PARP9: variants seen among roughly 807,000 people sequenced by gnomAD.
PARP9 encodes the protein protein mono-ADP-ribosyltransferase PARP9.
PARP9 carries 48 observed loss-of-function variants against 68.8 expected under a neutral mutation model. The ratio of observed to expected loss-of-function variants is 0.70; its 90% CI spans 0.55 to 0.89. The LOEUF (loss-of-function observed/expected upper bound fraction) is 0.89. Among genes scored for constraint, PARP9 ranks in the 40% least tolerant of loss-of-function variants. The pLI is 0.00. For synonymous variants in PARP9, 309 were observed against 333.8 expected (o/e 0.93, Z 0.81); for missense variants, 806 against 969.3 (o/e 0.83, Z 2.24).
chr3:122,546,396 G>A (rs187166735), intron 6 of PARP9, among the ~76,000 whole-genome samples: 5 of 151,886 alleles, frequency 3.3e-5, no homozygotes, highest in Non-Finnish European at 5.9e-5. Flanking sequence ...CATGAGATAC[G>A]CAACACTTTA....
chr3:122,551,187 A>C (rs903564312), intron 5 of PARP9, among the ~76,000 whole-genome samples: 11 of 152,254 alleles, frequency 7.2e-5, no homozygotes, highest in African/African-American at 2.4e-4. Context: ...AAAATAAGAA[A>C]GCAGCACTTA....
In PARP9 at chr3:122,549,780, G is replaced by GC. The variant is rs780774026; in HGVS notation, c.1326+803_1326+804insG. Among the ~76,000 whole-genome samples, 119 of 150,404 alleles carry GC rather than the reference G, an allele frequency of 7.9e-4. 1 individual carries two copies. The highest frequency in any genetic ancestry group is 8.1e-4 in the Non-Finnish European group (55 of 67,584). ...TGAGCAACAGAGCAAGATCACATCT[G>GC]TTTAAAAAAAAAAAGAGAGAGAGAG... On this transcript the variant is annotated intron_variant, in intron 6 of 10. Transcript: ENST00000682323.
chr3:122,543,785 T>C (rs887002862), intron 7 of PARP9, among the ~76,000 whole-genome samples: 1 of 151,566 alleles, frequency 6.6e-6, no homozygotes, highest in African/African-American at 2.4e-5. Context: ...CTAATTTTTG[T>C]ATTTTTTGTA....
intron 10 of PARP9, 106 bp from the exon 11 acceptor site, chr3:122,528,849 T>C: frequency 4.5e-6 from 5 of 1,116,148 alleles, no homozygotes; most frequent in Non-Finnish European, 6.2e-6. Context: ...AAATAATCAC[T>C]TCCTCCTGAT....
chr3:122,550,905 C>T, intron 5 of PARP9, 103 bp from the exon 6 acceptor site: 2 of 1,066,178 alleles, frequency 1.9e-6, no homozygotes, highest in East Asian at 2.6e-5. Context: ...TTCACCCTCC[C>T]TCAGGGTTCG....
intron 10 of PARP9, chr3:122,533,801 A>T: frequency 1.0e-6 from 1 of 985,478 alleles, no homozygotes; most frequent in Non-Finnish European, 1.2e-6. Flanking sequence ...AAATAGAAAA[A>T]AGAAAATAAA....
chr3:122,564,224 A>G (rs2080491531), intron 1 of PARP9, 21 bp downstream of exon 1: 4 of 579,256 alleles, frequency 6.9e-6, no homozygotes, highest in Non-Finnish European at 2.9e-6. Flanking sequence ...CCGAGGGCCC[A>G]GAGGCACCGG....
intron 1 of PARP9, among the ~76,000 whole-genome samples, chr3:122,560,085 G>C (rs556374592): frequency 1.3e-5 from 2 of 152,178 alleles, no homozygotes; most frequent in Non-Finnish European, 2.9e-5. Flanking sequence ...CAGTAAAGAA[G>C]ACCGAGCTTA....
rs774634307 is a variant in PARP9 at position 122,528,655 on chromosome 3, C to T, written c.2169G>A (p.Leu723=). The change falls in exon 11 of 11, where the codon CTG becomes CTA. Residue 723 remains leucine (L), a synonymous_variant. Transcript: ENST00000682323. ...KAKKISAADK[L]IYVFEAEVLT... ...GTACTTCAGCCTCAAACACATAGATCAGCTTATCTGCAGCAGAGATTTTCT... is the reference window on the plus strand; with the variant it reads ...GTACTTCAGCCTCAAACACATAGATTAGCTTATCTGCAGCAGAGATTTTCT... The T allele has an allele frequency of 6.2e-7, 1 of 1,614,172 alleles. No homozygotes were observed. The highest frequency in any genetic ancestry group is 8.5e-7 in the Non-Finnish European group (1 of 1,180,042).
chr3:122,547,071 T>C (rs557974653), intron 6 of PARP9, among the ~76,000 whole-genome samples: 220 of 125,726 alleles, frequency 1.7e-3, no homozygotes, highest in Middle Eastern at 4.5e-3. Flanking sequence ...CATACATATA[T>C]ACACACACAC....
At chr3:122,558,670 A>T (rs1336874044) in intron 2 of PARP9, among the ~76,000 whole-genome samples, 1 of 152,144 alleles carries the variant, frequency 6.6e-6, no homozygotes, top group Non-Finnish European at 1.5e-5. Context: ...CATTGGCCCT[A>T]TGTCATTTCC....
chr3:122,552,596 A>C lies in PARP9; in HGVS notation c.929T>G (p.Val310Gly). The C allele has an allele frequency of 6.2e-7, 1 of 1,614,008 alleles. No individual in the cohort carries two copies. The highest frequency in any genetic ancestry group is 8.5e-7 in the Non-Finnish European group (1 of 1,179,884). Residue 310 changes from valine (V) to glycine (G), a missense_variant, in exon 5 of 11, where the codon GTT (valine) becomes GGT (glycine). Physicochemically the swap from Val to Gly is moderately radical, Grantham distance 109. Coordinates refer to ENST00000682323, the MANE Select transcript of PARP9 (RefSeq NM_001146105.2). ...TAGAATTGACTTTGCCACAGGTCCA[A>C]CTGTAATATCATGTGGGTTTACAGA... ...VNSVNPHDIT[V>G]GPVAKSILQQ...
intron 10 of PARP9, chr3:122,535,484 G>A: frequency 2.0e-6 from 2 of 985,406 alleles, no homozygotes; most frequent in Non-Finnish European, 2.4e-6. Context: ...ACCCCGCTAA[G>A]TATCTCTCCA....
intron 7 of PARP9, among the ~76,000 whole-genome samples, chr3:122,543,122 A>T (rs2078391706): frequency 6.6e-6 from 1 of 150,818 alleles, no homozygotes; most frequent in South Asian, 2.1e-4. Context: ...TGTTGGCCAA[A>T]CTGGTCTCGA....
At chr3:122,545,598 C>A in intron 6 of PARP9, 109 bp from the exon 7 acceptor site, 1 of 984,802 alleles carries the variant, frequency 1.0e-6, no homozygotes, top group South Asian at 1.3e-5. Flanking sequence ...CTCTGTCAGT[C>A]CCATTCCTAC....
In PARP9 at chr3:122,536,080, A is replaced by G. The variant is rs566653579; in HGVS notation, c.2080+88T>C. The G allele has an allele frequency of 6.2e-6, 10 of 1,602,596 alleles. No homozygotes were observed. In the East Asian group the frequency reaches 2.2e-4, roughly 36 times the overall value. On this transcript the variant is annotated intron_variant, in intron 10 of 10. Transcript: ENST00000682323. ...AGTCACAAATGATCCCTTCCCCACA[A>G]CAACAAATGCTATCAGTGGAAGAAT...
chr3:122,560,553 A>AT (rs1466827839), intron 1 of PARP9, among the ~76,000 whole-genome samples: 2 of 151,926 alleles, frequency 1.3e-5, no homozygotes, highest in Non-Finnish European at 2.9e-5. Context: ...CGCCCAGCTA[A>AT]TTTTTTGTAT....
chr3:122,539,885 A>G (rs1346403442), intron 8 of PARP9, among the ~76,000 whole-genome samples: 1 of 152,130 alleles, frequency 6.6e-6, no homozygotes, highest in Non-Finnish European at 1.5e-5. Flanking sequence ...TTTCAATAGT[A>G]TAATTTCCTA....
chr3:122,564,095 C>T, intron 1 of PARP9, 150 bp downstream of exon 1: 1 of 317,190 alleles, frequency 3.2e-6, no homozygotes, highest in Non-Finnish European at 5.8e-6. Flanking sequence ...GAATAAGAAA[C>T]ACAGGAGAAA....
Sources: gnomAD v4.1 joint callset for allele counts (sites outside exome capture counted in the v4.1 genomes callset) on GRCh38, gnomAD v4.1.1 for gene constraint, MANE v1.5 for transcripts, NCBI Gene and HGNC (gene_info 2026-07-23, HGNC 2026-07-21) for gene names.